Variants in MYO1D observed in about 807,000 individuals in gnomAD.
MYO1D encodes the protein unconventional myosin-Id.
A neutral mutation model predicts 122.0 loss-of-function variants in MYO1D; 83 were observed. That is an observed-to-expected ratio of 0.68 (90% CI 0.57 to 0.82). MYO1D has a LOEUF of 0.82. Among genes scored for constraint, MYO1D ranks in the 40% least tolerant of loss-of-function variants. MYO1D has a pLI of 0.00. For missense variants in MYO1D, 1,157 were observed against 1,269.5 expected, an observed-to-expected ratio of 0.91 and a Z score of 1.35; for synonymous variants, 464 against 446.9, an observed-to-expected ratio of 1.04 and a Z score of -0.48.
chr17:32,867,823 A>AG (rs2091141353), intron 1 of MYO1D, among the ~76,000 whole-genome samples: 1 of 132,118 alleles, frequency 7.6e-6, no homozygotes, highest in Non-Finnish European at 1.6e-5. Flanking sequence ...AAAAAAAAAA[A>AG]GAATTCAAGT....
At chr17:32,854,806 G>A (rs1012335297) in intron 1 of MYO1D, among the ~76,000 whole-genome samples, 1 of 152,208 alleles carries the variant, frequency 6.6e-6, no homozygotes, top group African/African-American at 2.4e-5. Flanking sequence ...CGTAACTATA[G>A]CTACAGAATA....
At chr17:32,502,599 A>C (rs780494946) in intron 21 of MYO1D, among the ~76,000 whole-genome samples, 8 of 152,222 alleles carry the variant, frequency 5.3e-5, no homozygotes, top group Non-Finnish European at 1.5e-5. Context: ...CTAAATGAAA[A>C]ATTAGAATTT....
chr17:32,560,385 G>A (rs895897368), intron 21 of MYO1D, among the ~76,000 whole-genome samples: 1 of 151,104 alleles, frequency 6.6e-6, no homozygotes, highest in Admixed American at 6.6e-5. Flanking sequence ...ACTATGGCAG[G>A]TTATCAGAGA....
intron 16 of MYO1D, among the ~76,000 whole-genome samples, chr17:32,670,777 G>T (rs1331082528): frequency 6.6e-6 from 1 of 152,080 alleles, no homozygotes; most frequent in African/African-American, 2.4e-5. Flanking sequence ...GCCTATAAAA[G>T]CCCCAGACTC....
intron 16 of MYO1D, among the ~76,000 whole-genome samples, chr17:32,665,496 G>A (rs537816018): frequency 2.6e-5 from 4 of 152,110 alleles, no homozygotes; most frequent in Non-Finnish European, 4.4e-5. Context: ...CTTTCACTTC[G>A]GCTGTCACAT....
rs1567864696 is a variant in MYO1D, at chr17:32,492,901, C to T, written c.*1858G>A. ...TGTGGCCTCAGCTGGGAGGCCCTGG[C>T]GCTGGGGCTAAGGGGCCCAAGGCAC... On this transcript the variant is annotated 3_prime_UTR_variant, in exon 22 of 22. Transcript: ENST00000318217. 3 of 152,648 alleles carry T rather than the reference C, an allele frequency of 2.0e-5. No homozygotes were observed. The highest frequency in any genetic ancestry group is 4.8e-5 in the African/African-American group (2 of 41,538). The allele number at this position is 152,648 out of a possible 1,614,324, so 9.5% of individuals were successfully genotyped here.
chr17:32,510,393 T>G (rs1051216896), intron 21 of MYO1D: 41 of 152,450 alleles, frequency 2.7e-4, no homozygotes, highest in African/African-American at 9.6e-4. Context: ...AAGTTTTTCT[T>G]GCTGGGCATA....
chr17:32,525,688 C>T (rs546087341), intron 21 of MYO1D, among the ~76,000 whole-genome samples: 13 of 152,194 alleles, frequency 8.5e-5, no homozygotes, highest in South Asian at 4.2e-4. Context: ...GTTCTGGGGC[C>T]GAGAGACACT....
intron 19 of MYO1D, among the ~76,000 whole-genome samples, chr17:32,646,621 G>A (rs962959678): frequency 6.6e-6 from 1 of 152,146 alleles, no homozygotes; most frequent in African/African-American, 2.4e-5. Context: ...TAGGTCCCAT[G>A]TCCTTTTATA....
chr17:32,562,148 G>A (rs2087131962), intron 21 of MYO1D, among the ~76,000 whole-genome samples: 1 of 152,050 alleles, frequency 6.6e-6, no homozygotes, highest in Admixed American at 6.6e-5. Context: ...ATGCCACCAC[G>A]CTGGGCTAAG....
chr17:32,653,073 C>T (rs1457240950), intron 19 of MYO1D, among the ~76,000 whole-genome samples: 2 of 151,386 alleles, frequency 1.3e-5, no homozygotes, highest in Non-Finnish European at 1.5e-5. Context: ...ACCTGGGAGG[C>T]GGAGCTTGCA....
intron 13 of MYO1D, among the ~76,000 whole-genome samples, chr17:32,744,842 T>C (rs1017105690): frequency 6.6e-6 from 1 of 152,180 alleles, no homozygotes; most frequent in African/African-American, 2.4e-5. Context: ...GTGAAGACAC[T>C]ACAGTGGGAA....
chr17:32,822,943 G>A (rs1567659509), intron 1 of MYO1D, among the ~76,000 whole-genome samples: 1 of 152,064 alleles, frequency 6.6e-6, no homozygotes, highest in African/African-American at 2.4e-5. Context: ...TAACAAACCT[G>A]CACGTTGTGC....
chr17:32,544,598 C>T (rs994246724), intron 21 of MYO1D, among the ~76,000 whole-genome samples: 1 of 152,138 alleles, frequency 6.6e-6, no homozygotes, highest in Non-Finnish European at 1.5e-5. Flanking sequence ...TTCTCTCTTC[C>T]CCATTGTTAG....
intron 21 of MYO1D, among the ~76,000 whole-genome samples, chr17:32,515,189 C>G (rs1909846731): frequency 6.6e-6 from 1 of 152,160 alleles, no homozygotes; most frequent in Non-Finnish European, 1.5e-5. Flanking sequence ...TGCCCAGCCT[C>G]TCAAGGCCTC....
chr17:32,522,983 G>GT (rs1167791082), intron 21 of MYO1D, among the ~76,000 whole-genome samples: 2 of 152,020 alleles, frequency 1.3e-5, no homozygotes, highest in Non-Finnish European at 2.9e-5. Flanking sequence ...TGCCCGGCTA[G>GT]TTTTTTGTAT....
chr17:32,588,472 T>C (rs2150904395), intron 21 of MYO1D, among the ~76,000 whole-genome samples: 1 of 152,330 alleles, frequency 6.6e-6, no homozygotes. Context: ...ATAAAAAGAC[T>C]AAACCAACCC....
chr17:32,723,266 C>A (rs550500172), intron 14 of MYO1D, among the ~76,000 whole-genome samples: 4 of 152,254 alleles, frequency 2.6e-5, no homozygotes, highest in Non-Finnish European at 5.9e-5. Context: ...GTTCTGTGGA[C>A]CTCACTTGCA....
intron 16 of MYO1D, among the ~76,000 whole-genome samples, chr17:32,665,201 T>G (rs1042461361): frequency 2.0e-5 from 3 of 151,724 alleles, no homozygotes; most frequent in African/African-American, 7.3e-5. Flanking sequence ...TGTCTCCACC[T>G]CCCCGCCCCC....
Sources: gnomAD v4.1 joint callset for allele counts (sites outside exome capture counted in the v4.1 genomes callset) on GRCh38, gnomAD v4.1.1 for gene constraint, MANE v1.5 for transcripts, NCBI Gene and HGNC (gene_info 2026-07-23, HGNC 2026-07-21) for gene names.